The following SLCO4C1 variants were observed in gnomAD, a reference collection of about 807,000 sequenced individuals.
SLCO4C1 encodes the protein organic anion transporter M1.
In SLCO4C1, 58 loss-of-function variants were observed where a neutral mutation model predicts 72.1. That is an observed-to-expected ratio of 0.80 (90% confidence interval 0.65 to 1.00). The LOEUF (loss-of-function observed/expected upper bound fraction) is 1.00. Ranked by LOEUF, SLCO4C1 falls within the 50% of genes least tolerant of loss-of-function variation. SLCO4C1 has a pLI of 0.00. For missense variants in SLCO4C1, 898 were observed against 857.9 expected, an observed-to-expected ratio of 1.05 and a Z score of -0.58; for synonymous variants, 297 against 312.5, an observed-to-expected ratio of 0.95 and a Z score of 0.52.
Position 102,258,058 on chromosome 5 carries a change from A to C in SLCO4C1, c.1158T>G (p.Cys386Trp). The change falls in exon 7 of 13, where the codon TGT becomes TGG. Residue 386 changes from cysteine to tryptophan, a missense_variant. Coordinates refer to ENST00000310954, the MANE Select transcript of SLCO4C1 (RefSeq NM_180991.5). ...KNLMKNAVFM[C>W]LVLSTSSEAL... ...CTTCTGAAGAAGTTGATAGAACTAA[A>C]CACATAAAGACAGCATTCTTCATCA... 1 of 1,575,494 alleles carries C rather than the reference A, an allele frequency of 6.3e-7. No individual in the cohort carries two copies. Among genetic ancestry groups the C allele is most frequent in the Non-Finnish European group, 8.6e-7 (1 of 1,167,048 alleles).
Position 102,239,259 on chromosome 5 carries a change from A to T in SLCO4C1, c.2006T>A (p.Val669Glu). Residue 669 changes from valine (V) to glutamate (E), a missense_variant, in exon 12 of 13, where the codon GTA becomes GAA. Physicochemically the swap from Val to Glu is moderately radical, Grantham distance 121. Transcript: ENST00000310954. The part of the protein sequence containing the change: ...YDNIKMAHML[V>E]AISVTCKVIT... ...AAGAAGTCACCACTTACTTATGGCTACTAGCATATGGGCCATCTTGATGTT... is the reference window on the plus strand; with the variant it reads ...AAGAAGTCACCACTTACTTATGGCTTCTAGCATATGGGCCATCTTGATGTT... The T allele has an allele frequency of 6.3e-7, 1 of 1,575,976 alleles. No individual in the cohort carries two copies. The highest frequency in any genetic ancestry group is 8.6e-7 in the Non-Finnish European group (1 of 1,164,408).
Position 102,296,036 on chromosome 5 carries a change from C to G in SLCO4C1, c.227G>C (p.Arg76Pro), listed in dbSNP as rs777754809. 1.2e-6 allele frequency: 2 copies of G among 1,614,086 alleles called. No individual in the cohort carries two copies. Among genetic ancestry groups the G allele is most frequent in the Non-Finnish European group, 1.7e-6 (2 of 1,180,042 alleles). Reference protein sequence around the residue: ...APPNVSEEKLRSLSLSEFEEG... With the variant: ...APPNVSEEKLPSLSLSEFEEG... The stretch of plus-strand genomic sequence containing the variant: ...CTCAAACTCGGACAGCGACAGTGAC[C>G]GGAGCTTCTCTTCGGAGACATTGGG... Residue 76 changes from arginine to proline, a missense_variant, in exon 1 of 13, where the codon CGG (arginine) becomes CCG (proline). Coordinates refer to ENST00000310954, the MANE Select transcript of SLCO4C1 (RefSeq NM_180991.5).
intron 1 of SLCO4C1, among the ~76,000 whole-genome samples, chr5:102,295,220 C>A (rs1749625978): frequency 6.6e-6 from 1 of 152,222 alleles, no homozygotes; most frequent in Non-Finnish European, 1.5e-5. Context: ...GGGTATAAAT[C>A]TGAACTGAAT....
intron 1 of SLCO4C1, among the ~76,000 whole-genome samples, chr5:102,295,035 C>G (rs75961460): frequency 2.0e-5 from 3 of 152,168 alleles, no homozygotes; most frequent in Middle Eastern, 3.2e-3. Flanking sequence ...GACTCCTCTC[C>G]ACCTCTTCTC....
chr5:102,279,321 G>A (rs1456027381), intron 2 of SLCO4C1, among the ~76,000 whole-genome samples: 2 of 151,974 alleles, frequency 1.3e-5, no homozygotes, highest in Non-Finnish European at 2.9e-5. Context: ...AGAAGTAACT[G>A]CAGTTTTTGC....
At chr5:102,243,220 C>T (rs558500496) in intron 10 of SLCO4C1, among the ~76,000 whole-genome samples, 1 of 152,308 alleles carries the variant, frequency 6.6e-6, no homozygotes, top group South Asian at 2.1e-4. Context: ...GTTTTTGACT[C>T]TAGTCCCTGA....
At chr5:102,253,329 T>C (rs1384398406) in intron 8 of SLCO4C1, among the ~76,000 whole-genome samples, 1 of 152,164 alleles carries the variant, frequency 6.6e-6, no homozygotes, top group African/African-American at 2.4e-5. Flanking sequence ...AATAAATTAC[T>C]TTAAAATATT....
intron 2 of SLCO4C1, among the ~76,000 whole-genome samples, chr5:102,285,452 T>C (rs1749435419): frequency 6.6e-6 from 1 of 151,932 alleles, no homozygotes; most frequent in Non-Finnish European, 1.5e-5. Context: ...GCCCGGCTAA[T>C]TTTTGTGTTT....
chr5:102,291,291 G>C (rs1749543161), intron 2 of SLCO4C1, 52 bp downstream of exon 2: 1 of 1,568,720 alleles, frequency 6.4e-7, no homozygotes, highest in Non-Finnish European at 8.7e-7. Flanking sequence ...TAATGACCTA[G>C]TTTTATCCAC....
intron 2 of SLCO4C1, among the ~76,000 whole-genome samples, chr5:102,274,344 A>T (rs1263678184): frequency 2.0e-5 from 3 of 152,206 alleles, no homozygotes; most frequent in Admixed American, 6.5e-5. Flanking sequence ...ATGAACAAAG[A>T]AGTGGCCAGT....
At chr5:102,283,722 C>G (rs965035229) in intron 2 of SLCO4C1, among the ~76,000 whole-genome samples, 4 of 151,964 alleles carry the variant, frequency 2.6e-5, no homozygotes, top group African/African-American at 9.7e-5. Flanking sequence ...TTTTAAAAGT[C>G]CATGAAAAGA....
At chr5:102,287,850 G>A (rs1052132865) in intron 2 of SLCO4C1, among the ~76,000 whole-genome samples, 7 of 151,848 alleles carry the variant, frequency 4.6e-5, no homozygotes, top group East Asian at 1.9e-4. Context: ...CATTGCGCCC[G>A]GCCAGGTTTT....
At position 102,236,012 on chromosome 5, in the gene SLCO4C1, T is replaced by C. The variant is rs998480864; in HGVS notation, c.*846A>G. The C allele has an allele frequency of 1.3e-5, 2 of 152,218 alleles. No homozygotes were observed. Among genetic ancestry groups the C allele is most frequent in the Non-Finnish European group, 1.5e-5 (1 of 68,042 alleles). 9.4% of individuals were successfully genotyped at this position (152,218 alleles called of 1,614,324 possible). On this transcript the variant is annotated 3_prime_UTR_variant, in exon 13 of 13. Transcript: ENST00000310954. The stretch of plus-strand genomic sequence containing the variant: ...TTTCAAATAGGAAAAATTAAAGGTA[T>C]ATAAGTATTGATCAATAGTTTCATG...
intron 10 of SLCO4C1, among the ~76,000 whole-genome samples, chr5:102,243,495 A>G (rs1748583914): frequency 6.6e-6 from 1 of 152,180 alleles, no homozygotes; most frequent in Non-Finnish European, 1.5e-5. Flanking sequence ...GGTGGCTCAG[A>G]ACAGAGGGAG....
chr5:102,291,633 T>A, intron 1 of SLCO4C1, 27 bp from the exon 2 acceptor site: 1 of 1,554,274 alleles, frequency 6.4e-7, no homozygotes, highest in Non-Finnish European at 8.8e-7. Flanking sequence ...TTGATGTGCA[T>A]CATTAATATT....
At chr5:102,281,845 G>T (rs2112391167) in intron 2 of SLCO4C1, among the ~76,000 whole-genome samples, 1 of 152,156 alleles carries the variant, frequency 6.6e-6, no homozygotes, top group African/African-American at 2.4e-5. Context: ...AAACAGTTTG[G>T]CAGTTTCTCA....
intron 2 of SLCO4C1, 25 bp downstream of exon 2, chr5:102,291,318 A>G (rs1389901083): frequency 6.3e-7 from 1 of 1,597,490 alleles, no homozygotes; most frequent in Admixed American, 1.8e-5. Flanking sequence ...AGATTAAAAC[A>G]AACATAAACA....
intron 10 of SLCO4C1, among the ~76,000 whole-genome samples, chr5:102,244,881 A>C (rs1748609867): frequency 6.6e-6 from 1 of 152,196 alleles, no homozygotes; most frequent in Non-Finnish European, 1.5e-5. Context: ...GTCCTATAAG[A>C]AATGCTAAAG....
chr5:102,240,762 C>A lies in SLCO4C1; in HGVS notation c.1832G>T (p.Arg611Leu). The change falls in exon 11 of 13, where the codon CGG becomes CTG. Residue 611 changes from arginine to leucine, a missense_variant. Coordinates refer to ENST00000310954, the MANE Select transcript of SLCO4C1 (RefSeq NM_180991.5). ...SILRCVNHRQRSLALGIQFMV... is the reference protein window; with the variant it reads ...SILRCVNHRQLSLALGIQFMV... Reference sequence around the variant, plus strand: ...AAATTGTATTCCCAAGGCTAGGGACCGTTGTCTGTGATTAACACACCTGGA... The same window carrying A: ...AAATTGTATTCCCAAGGCTAGGGACAGTTGTCTGTGATTAACACACCTGGA... 6.2e-7 allele frequency: 1 copy of A among 1,611,018 alleles called. No individual in the cohort carries two copies. Among genetic ancestry groups the A allele is most frequent in the Non-Finnish European group, 8.5e-7 (1 of 1,178,180 alleles).
Sources: gnomAD v4.1 joint callset for allele counts (sites outside exome capture counted in the v4.1 genomes callset) on GRCh38, gnomAD v4.1.1 for gene constraint, MANE v1.5 for transcripts, NCBI Gene and HGNC (gene_info 2026-07-23, HGNC 2026-07-21) for gene names.